Variants in DAP observed in about 807,000 individuals in gnomAD.
The protein encoded by DAP is death-associated protein 1.
DAP carries 8 observed loss-of-function variants against 13.8 expected under a neutral mutation model. That is an observed-to-expected ratio of 0.58 (90% CI 0.34 to 1.05). The LOEUF (loss-of-function observed/expected upper bound fraction) is 1.05, where lower values mean the gene tolerates loss of function less well. Ranked by LOEUF, DAP falls within the 50% of genes least tolerant of loss-of-function variation. The pLI is 0.03. For synonymous variants in DAP, 47 were observed against 47.5 expected (o/e 0.99, Z 0.04); for missense variants, 106 against 133.2 (o/e 0.80, Z 1.01).
chr5:10,709,224 G>A (rs970753530), intron 2 of DAP, among the ~76,000 whole-genome samples: 5 of 152,228 alleles, frequency 3.3e-5, no homozygotes, highest in African/African-American at 1.2e-4. Flanking sequence ...ACTGTATGAG[G>A]TATGCATTAT....
intron 2 of DAP, among the ~76,000 whole-genome samples, chr5:10,694,345 A>G (rs1429589654): frequency 6.6e-6 from 1 of 152,100 alleles, no homozygotes; most frequent in Non-Finnish European, 1.5e-5. Context: ...AAAACTGGAC[A>G]GCAACAGACC....
At chr5:10,760,971 C>T (rs1427099758) in intron 1 of DAP, 43 bp downstream of exon 1, 1 of 1,180,466 alleles carries the variant, frequency 8.5e-7, no homozygotes, top group Non-Finnish European at 1.1e-6. Flanking sequence ...TTCGAGCCCG[C>T]CCCCGGCACC....
chr5:10,687,552 C>A (rs1738186769), intron 2 of DAP, among the ~76,000 whole-genome samples: 2 of 152,084 alleles, frequency 1.3e-5, no homozygotes, highest in African/African-American at 4.8e-5. Flanking sequence ...AGCAAGAGAA[C>A]TAGGATTAGA....
chr5:10,693,651 C>T (rs1180521774), intron 2 of DAP, among the ~76,000 whole-genome samples: 3 of 152,312 alleles, frequency 2.0e-5, no homozygotes, highest in South Asian at 2.1e-4. Flanking sequence ...AGACTTGGAA[C>T]GAGGGCTGTA....
At chr5:10,718,512 C>T (rs944348478) in intron 2 of DAP, among the ~76,000 whole-genome samples, 4 of 152,202 alleles carry the variant, frequency 2.6e-5, no homozygotes, top group African/African-American at 4.8e-5. Context: ...GGAGGGACTG[C>T]GGAGTCAGTG....
At chr5:10,755,131 G>A (rs888452102) in intron 1 of DAP, among the ~76,000 whole-genome samples, 3 of 152,206 alleles carry the variant, frequency 2.0e-5, no homozygotes, top group African/African-American at 7.2e-5. Flanking sequence ...TGTGAAAGAG[G>A]GAGGCGGAAG....
Position 10,731,913 on chromosome 5 carries a change from G to C in DAP, c.152+16262C>G, listed in dbSNP as rs372116059. Among the ~76,000 whole-genome samples, 210 of 152,298 alleles carry C rather than the reference G, an allele frequency of 1.4e-3. 9 individuals are homozygous for C. The South Asian group carries it at 0.042, about 31-fold the overall frequency. On this transcript the variant is annotated intron_variant, in intron 2 of 3. Coordinates refer to ENST00000230895, the MANE Select transcript of DAP (RefSeq NM_004394.3). Reference sequence around the variant, plus strand: ...AGGGCAGAGAGGTGGCCCTGGAAAAGCCCCAGGCACCCACCTCTCCTGTGG... The same window carrying C: ...AGGGCAGAGAGGTGGCCCTGGAAAACCCCCAGGCACCCACCTCTCCTGTGG...
chr5:10,709,940 A>G (rs1018093901), intron 2 of DAP, among the ~76,000 whole-genome samples: 1 of 152,172 alleles, frequency 6.6e-6, no homozygotes, highest in Non-Finnish European at 1.5e-5. Context: ...ATTTCTATAT[A>G]CTACATAAGC....
chr5:10,690,914 T>C (rs980540253), intron 2 of DAP, among the ~76,000 whole-genome samples: 2 of 152,252 alleles, frequency 1.3e-5, no homozygotes, highest in African/African-American at 4.8e-5. Context: ...GCACATGGGT[T>C]CCTATTTCCC....
At chr5:10,748,057 G>T in intron 2 of DAP, 118 bp downstream of exon 2, 1 of 734,944 alleles carries the variant, frequency 1.4e-6, no homozygotes, top group Non-Finnish European at 2.4e-6. Flanking sequence ...AAAATACACA[G>T]AACAGGGCCC....
At chr5:10,717,809 T>C (rs910966527) in intron 2 of DAP, among the ~76,000 whole-genome samples, 14 of 152,112 alleles carry the variant, frequency 9.2e-5, no homozygotes, top group African/African-American at 2.9e-4. Context: ...TGTAGAGCTA[T>C]GGCATTGGCT....
At chr5:10,683,412 A>AT in intron 3 of DAP, 117 bp downstream of exon 3, 1 of 989,864 alleles carries the variant, frequency 1.0e-6, no homozygotes, top group Non-Finnish European at 1.6e-6. Context: ...GCCACAGAGG[A>AT]GATGAGCAGT....
intron 2 of DAP, chr5:10,734,172 C>G (rs1337662661): frequency 6.6e-6 from 1 of 152,232 alleles, no homozygotes; most frequent in Non-Finnish European, 1.5e-5. Context: ...GAAGGGAGAA[C>G]TGATAGCCCC....
In DAP at chr5:10,682,506, T is replaced by A. The variant is rs949473680; in HGVS notation, c.195+1023A>T. Among the ~76,000 whole-genome samples the A allele has an allele frequency of 6.0e-5, 9 of 151,222 alleles. No individual in the cohort carries two copies. The South Asian group carries it at 6.3e-4, about 11-fold the overall frequency. On this transcript the variant is annotated intron_variant, in intron 3 of 3. Coordinates refer to ENST00000230895, the MANE Select transcript of DAP (RefSeq NM_004394.3). ...AGCTTCCCTGCAGGAAGCATGGGGT[T>A]TGTGGGTGAGGAAGCTCCAGGCCAG...
At chr5:10,759,435 C>T (rs1273809227) in intron 1 of DAP, among the ~76,000 whole-genome samples, 2 of 151,700 alleles carry the variant, frequency 1.3e-5, no homozygotes, top group African/African-American at 2.4e-5. Context: ...AAAGAAATCC[C>T]ATCAAAAAAA....
At chr5:10,720,950 T>C (rs1460080160) in intron 2 of DAP, among the ~76,000 whole-genome samples, 1 of 152,212 alleles carries the variant, frequency 6.6e-6, no homozygotes, top group Non-Finnish European at 1.5e-5. Context: ...CCAAACAGTA[T>C]TGCCTCTGAC....
rs141925546 is a variant in DAP at position 10,737,595 on chromosome 5, A to G, written c.152+10580T>C. On this transcript the variant is annotated intron_variant, in intron 2 of 3. Transcript: ENST00000230895. ...TCAAACATGCAGATCATGGCTAAAG[A>G]TAAAAATTCCCAGGCATACATGCCT... Among the ~76,000 whole-genome samples the G allele has an allele frequency of 4.1e-3, 622 of 152,340 alleles. 6 individuals carry two copies. Among genetic ancestry groups the G allele is most frequent in the African/African-American group, 0.014 (597 of 41,568 alleles).
intron 2 of DAP, among the ~76,000 whole-genome samples, chr5:10,743,586 G>C (rs929839247): frequency 2.0e-5 from 3 of 152,154 alleles, no homozygotes; most frequent in Non-Finnish European, 4.4e-5. Context: ...CCCAGATCAT[G>C]GCAGAATGTC....
At chr5:10,733,206 GTA>G (rs1419325560) in intron 2 of DAP, among the ~76,000 whole-genome samples, 18 of 35,840 alleles carry the variant, frequency 5.0e-4, no homozygotes, top group East Asian at 2.2e-3. Context: ...GTGTGTGTGT[GTA>G]TACCCTACAT....
Sources: allele counts gnomAD v4.1 joint callset (sites outside exome capture counted in the v4.1 genomes callset), GRCh38; gene constraint gnomAD v4.1.1; transcripts MANE v1.5; gene names NCBI Gene and HGNC (gene_info 2026-07-23, HGNC 2026-07-21).